Variants in RDH12 observed in about 807,000 individuals in gnomAD.
The protein encoded by RDH12 is retinol dehydrogenase 12, also known as all-trans and 9-cis retinol dehydrogenase.
In RDH12, 21 loss-of-function variants were observed where a neutral mutation model predicts 34.0. The ratio of observed to expected loss-of-function variants is 0.62; its 90% CI spans 0.44 to 0.89. The LOEUF (loss-of-function observed/expected upper bound fraction) is 0.89. Among genes scored for constraint, RDH12 ranks in the 40% least tolerant of loss-of-function variants. RDH12 has a pLI of 0.00. For missense variants in RDH12, 394 were observed against 398.6 expected (o/e 0.99, Z 0.10); for synonymous variants, 198 against 169.9 (o/e 1.17, Z -1.29).
chr14:67,728,237 G>A (rs547222466), intron 7 of RDH12: 3 of 152,098 alleles, frequency 2.0e-5, no homozygotes, highest in Non-Finnish European at 4.4e-5. Context: ...AGAAGAAGAC[G>A]GTAATCATAA....
At chr14:67,709,947 A>T (rs2037992156) in intron 1 of RDH12, among the ~76,000 whole-genome samples, 1 of 152,212 alleles carries the variant, frequency 6.6e-6, no homozygotes, top group Non-Finnish European at 1.5e-5. Context: ...GCTCACTGAG[A>T]TAGATACATA....
Position 67,726,175 on chromosome 14 carries a change from T to TA in RDH12, c.448+26dup. 1 of 1,420,126 alleles carries TA rather than the reference T, an allele frequency of 7.0e-7. No homozygotes were observed. The highest frequency in any genetic ancestry group is 1.0e-6 in the Non-Finnish European group (1 of 1,003,074). The allele number at this position is 1,420,126 out of a possible 1,614,324, so 88.0% of individuals were successfully genotyped here. On this transcript the variant is annotated intron_variant, in intron 6 of 8. Transcript: ENST00000551171. ...ACCTGGGTAAGTATCTTTGGGTGAC[T>TA]AAAAAATGAGGTACACCCACTATCT...
intron 3 of RDH12, among the ~76,000 whole-genome samples, chr14:67,724,040 G>C (rs913607074): frequency 6.6e-6 from 1 of 152,252 alleles, no homozygotes; most frequent in African/African-American, 2.4e-5. Context: ...CCCCCACAGA[G>C]TGCTGTTCAT....
intron 1 of RDH12, chr14:67,717,957 C>T (rs2140130278): frequency 6.6e-6 from 1 of 152,206 alleles, no homozygotes; most frequent in African/African-American, 2.4e-5. Flanking sequence ...TTGCTGATCC[C>T]TTGAAAAATC....
intron 8 of RDH12, 56 bp downstream of exon 8, chr14:67,729,436 C>G: frequency 1.3e-6 from 2 of 1,532,980 alleles, no homozygotes; most frequent in East Asian, 2.2e-5. Context: ...AGGTGCCGGA[C>G]TCGCTGGGCT....
intron 1 of RDH12, among the ~76,000 whole-genome samples, chr14:67,713,397 CAAAAAAAA>C (rs71129850): frequency 6.3e-5 from 3 of 47,630 alleles, no homozygotes; most frequent in Non-Finnish European, 8.3e-5. Context: ...AGTAAAACTC[CAAAAAAAA>C]AAAAAAAAAA....
chr14:67,719,669 G>A (rs2038102137), intron 1 of RDH12, among the ~76,000 whole-genome samples: 1 of 151,738 alleles, frequency 6.6e-6, no homozygotes, highest in Admixed American at 6.6e-5. Flanking sequence ...GTAGAGACGG[G>A]GTCTCACTAT....
intron 1 of RDH12, among the ~76,000 whole-genome samples, chr14:67,706,850 A>G (rs1280714673): frequency 6.6e-6 from 1 of 152,192 alleles, no homozygotes; most frequent in African/African-American, 2.4e-5. Context: ...TCTCTTGGTT[A>G]GGATGGTTCG....
chr14:67,706,487 T>A (rs551777796), intron 1 of RDH12, among the ~76,000 whole-genome samples: 1 of 152,260 alleles, frequency 6.6e-6, no homozygotes, highest in South Asian at 2.1e-4. Context: ...AATCAACATA[T>A]GGAAAATGAA....
intron 1 of RDH12, among the ~76,000 whole-genome samples, chr14:67,702,137 A>G (rs2037906570): frequency 6.6e-6 from 1 of 151,602 alleles, no homozygotes; most frequent in Non-Finnish European, 1.5e-5. Flanking sequence ...TTTAATATAT[A>G]TATATTTTTT....
intron 1 of RDH12, among the ~76,000 whole-genome samples, chr14:67,713,570 TAGG>T (rs1469418183): frequency 6.6e-6 from 1 of 152,182 alleles, no homozygotes; most frequent in Non-Finnish European, 1.5e-5. Flanking sequence ...CAGGCACTGA[TAGG>T]AGATTTGTCA....
intron 7 of RDH12, chr14:67,727,569 G>A (rs1472439049): frequency 3.5e-6 from 1 of 281,984 alleles, no homozygotes; most frequent in Non-Finnish European, 6.8e-6. Flanking sequence ...TGCGACCTCT[G>A]CCTCCTGGGT....
At chr14:67,729,938 A>T in intron 8 of RDH12, 1 of 405,116 alleles carries the variant, frequency 2.5e-6, no homozygotes, top group Non-Finnish European at 4.9e-6. Context: ...TCCATGACAG[A>T]ATCCAGCCCT....
chr14:67,703,020 A>G lies in RDH12; in HGVS notation c.-275+1085A>G, dbSNP rs374735765. Among the ~76,000 whole-genome samples the G allele has an allele frequency of 3.9e-5, 6 of 151,996 alleles. No individual in the cohort carries two copies. The East Asian group carries it at 5.8e-4, about 15-fold the overall frequency. ...TTTTTTGTAGAGTCAGAGTCTCACT[A>G]TGTTGCCAGGGCTGGTCTTGAGCTC... On this transcript the variant is annotated intron_variant, in intron 1 of 8. Transcript: ENST00000551171.
At chr14:67,702,686 T>C (rs924760256) in intron 1 of RDH12, among the ~76,000 whole-genome samples, 3 of 152,262 alleles carry the variant, frequency 2.0e-5, no homozygotes, top group Non-Finnish European at 4.4e-5. Flanking sequence ...CTTACTAATT[T>C]ATGAGTGCTC....
At chr14:67,728,081 G>C (rs1170873702) in intron 7 of RDH12, 1 of 152,150 alleles carries the variant, frequency 6.6e-6, no homozygotes, top group Non-Finnish European at 1.5e-5. Flanking sequence ...AGGTCAGGCT[G>C]GTTCTTATTC....
chr14:67,703,957 C>T (rs1172774042), intron 1 of RDH12, among the ~76,000 whole-genome samples: 2 of 152,128 alleles, frequency 1.3e-5, no homozygotes, highest in Admixed American at 6.5e-5. Flanking sequence ...GGATTACAGG[C>T]GTGAGCCACT....
intron 7 of RDH12, 78 bp downstream of exon 7, chr14:67,727,268 C>A: frequency 1.8e-6 from 2 of 1,097,238 alleles, no homozygotes; most frequent in Non-Finnish European, 2.7e-6. Context: ...GGAAGTCAGG[C>A]TGTCAAACAT....
At chr14:67,727,456 G>T in intron 7 of RDH12, 2 of 413,796 alleles carry the variant, frequency 4.8e-6, no homozygotes, top group South Asian at 2.4e-5. Context: ...GTAGCTTTTT[G>T]CAACAGACAG....
Sources: gnomAD v4.1 joint callset for allele counts (sites outside exome capture counted in the v4.1 genomes callset) on GRCh38, gnomAD v4.1.1 for gene constraint, MANE v1.5 for transcripts, NCBI Gene and HGNC (gene_info 2026-07-23, HGNC 2026-07-21) for gene names.